The following HMGB1 variants were observed in gnomAD, a reference collection of about 807,000 sequenced individuals.
HMGB1 encodes high mobility group box 1, also known as high mobility group protein B1.
For missense variants in HMGB1, 79 were observed against 253.5 expected (o/e 0.31, Z 4.67); for synonymous variants, 81 against 84.0 (o/e 0.96, Z 0.19).
At chr13:30,549,112 C>A (rs1394965072) in intron 1 of HMGB1, among the ~76,000 whole-genome samples, 4 of 152,014 alleles carry the variant, frequency 2.6e-5, no homozygotes, top group African/African-American at 9.7e-5. Context: ...GCCTGGGCAA[C>A]AGAGTGAGAC....
chr13:30,525,711 A>C (rs1888346880), intron 1 of HMGB1, among the ~76,000 whole-genome samples: 1 of 77,230 alleles, frequency 1.3e-5, no homozygotes, highest in African/African-American at 3.4e-5. Context: ...AAACTCCATT[A>C]TTAACATAAA....
At chr13:30,462,201 AT>A in intron 4 of HMGB1, 1 of 357,568 alleles carries the variant, frequency 2.8e-6, no homozygotes, top group South Asian at 2.3e-5. Context: ...TATAGCCTAT[AT>A]TACTTTGTCT....
chr13:30,523,539 G>C (rs1265790759), intron 1 of HMGB1, among the ~76,000 whole-genome samples: 1 of 151,730 alleles, frequency 6.6e-6, no homozygotes. Context: ...TTTTTTTCAG[G>C]ATTTGTCCAA....
At chr13:30,483,083 A>G (rs922016913) in intron 1 of HMGB1, among the ~76,000 whole-genome samples, 1 of 151,984 alleles carries the variant, frequency 6.6e-6, no homozygotes, top group East Asian at 1.9e-4. Flanking sequence ...GTGAGCCACC[A>G]TGGCTGGTCC....
Position 30,474,680 on chromosome 13 carries a change from A to G in HMGB1, c.-14-10986T>C, listed in dbSNP as rs1338143966. ...GCACTTTGGGAGGCCGAGGCAGAAG[A>G]GGAGTTCAAGGATGCAGTAAGCAGT... On this transcript the variant is annotated intron_variant, in intron 1 of 4. Coordinates refer to the HMGB1 transcript ENST00000405805. Among the ~76,000 whole-genome samples, 5 of 151,040 alleles carry G rather than the reference A, an allele frequency of 3.3e-5. No individual in the cohort carries two copies. The East Asian group carries it at 9.8e-4, about 30-fold the overall frequency.
At chr13:30,578,573 T>C (rs1346631129) in intron 1 of HMGB1, among the ~76,000 whole-genome samples, 1 of 152,020 alleles carries the variant, frequency 6.6e-6, no homozygotes, top group East Asian at 1.9e-4. Flanking sequence ...TAATCTCTCT[T>C]TTCTTCACAC....
At chr13:30,467,780 G>A (rs542360102), upstream of HMGB1, among the ~76,000 whole-genome samples, 2 of 152,242 alleles carry the variant, frequency 1.3e-5, no homozygotes, top group East Asian at 1.9e-4. Flanking sequence ...AAAATTTGAC[G>A]ATTAGTTGAA....
intron 1 of HMGB1, among the ~76,000 whole-genome samples, chr13:30,494,659 C>A (rs577453642): frequency 6.6e-6 from 1 of 152,218 alleles, no homozygotes; most frequent in Non-Finnish European, 1.5e-5. Flanking sequence ...CTGCTCCCGG[C>A]CTTAACCACT....
chr13:30,567,935 C>G (rs1210875259), intron 1 of HMGB1, among the ~76,000 whole-genome samples: 1 of 152,186 alleles, frequency 6.6e-6, no homozygotes, highest in East Asian at 1.9e-4. Flanking sequence ...AACTGCTGTG[C>G]TCCTGCAGCT....
intron 1 of HMGB1, among the ~76,000 whole-genome samples, chr13:30,488,645 TTTA>T (rs58604214): frequency 0.088 from 12,099 of 137,646 alleles, 634 homozygotes; most frequent in African/African-American, 0.14. Flanking sequence ...AATTTTTAAT[TTTA>T]TTATTATTAT....
At chr13:30,464,910 G>C (rs1412155820) in intron 1 of HMGB1, among the ~76,000 whole-genome samples, 1 of 140,798 alleles carries the variant, frequency 7.1e-6, no homozygotes, top group Non-Finnish European at 1.6e-5. Flanking sequence ...GCGCGCGGCC[G>C]GGCCCTCCCC....
chr13:30,473,467 C>T (rs1314681431), intron 1 of HMGB1, among the ~76,000 whole-genome samples: 2 of 152,130 alleles, frequency 1.3e-5, no homozygotes, highest in African/African-American at 2.4e-5. Context: ...GAAAAGATCC[C>T]TATATTAGGT....
chr13:30,464,224 C>A, intron 1 of HMGB1: 1 of 985,386 alleles, frequency 1.0e-6, no homozygotes, highest in Non-Finnish European at 1.2e-6. Context: ...GAGGGAGCAG[C>A]AGCCAGCTCC....
intron 1 of HMGB1, among the ~76,000 whole-genome samples, chr13:30,527,683 C>T (rs534246883): frequency 6.6e-6 from 1 of 152,272 alleles, no homozygotes; most frequent in South Asian, 2.1e-4. Flanking sequence ...CCTGACCCCA[C>T]ACCCAGCCCT....
chr13:30,494,158 C>T (rs1887560054), intron 1 of HMGB1, among the ~76,000 whole-genome samples: 1 of 152,142 alleles, frequency 6.6e-6, no homozygotes. Context: ...ATCTGTTTGT[C>T]CTCTTGGTTA....
intron 1 of HMGB1, among the ~76,000 whole-genome samples, chr13:30,533,008 A>G (rs561348086): frequency 6.6e-6 from 1 of 152,334 alleles, no homozygotes; most frequent in Admixed American, 6.5e-5. Flanking sequence ...AAGAGGCAAT[A>G]GAGTATCACA....
chr13:30,513,986 T>A (rs544610504), intron 1 of HMGB1, among the ~76,000 whole-genome samples: 25 of 152,220 alleles, frequency 1.6e-4, no homozygotes. Flanking sequence ...TGGCCTCAAG[T>A]GATCCTCTCG....
At chr13:30,554,914 T>G (rs555940613) in intron 1 of HMGB1, among the ~76,000 whole-genome samples, 22 of 152,242 alleles carry the variant, frequency 1.4e-4, no homozygotes, top group African/African-American at 5.3e-4. Flanking sequence ...AAGTGAGGCT[T>G]GCTAACCTTC....
At chr13:30,571,003 T>C (rs1036700129) in intron 1 of HMGB1, among the ~76,000 whole-genome samples, 2 of 152,232 alleles carry the variant, frequency 1.3e-5, no homozygotes, top group African/African-American at 4.8e-5. Flanking sequence ...ATAGGCCTTT[T>C]AAAAATAGTC....
Sources: allele counts gnomAD v4.1 joint callset (sites outside exome capture counted in the v4.1 genomes callset), GRCh38; gene constraint gnomAD v4.1.1; transcripts MANE v1.5; gene names NCBI Gene and HGNC (gene_info 2026-07-23, HGNC 2026-07-21).